ATL3: variants seen among roughly 807,000 people sequenced by gnomAD.
ATL3 encodes atlastin-3.
In ATL3, 49 loss-of-function variants were observed where a neutral mutation model predicts 69.5. The observed-to-expected ratio is 0.71, with a 90% CI of 0.56 to 0.89. ATL3 has a LOEUF of 0.89. Ranked by LOEUF, ATL3 falls within the 40% of genes least tolerant of loss-of-function variation. ATL3 has a pLI of 0.00. For synonymous variants in ATL3, 214 were observed against 224.1 expected (o/e 0.95, Z 0.40); for missense variants, 606 against 645.7 (o/e 0.94, Z 0.67).
chr11:63,631,166 C>A lies in ATL3; in HGVS notation c.1413G>T (p.Gln471His), dbSNP rs553188281. ...TGFIGLEVVA[Q>H]LFNCMVGLLL... is the part of the protein sequence containing the mutation. ...GTAGTCCAACCATACAGTTGAACAA[C>A]TGGGCTACAACCTCAAGACCTATGA... Residue 471 changes from glutamine (Q) to histidine (H), a missense_variant, in exon 12 of 13, where the codon CAG (glutamine) becomes CAT (histidine). Physicochemically the swap from Gln to His is conservative, Grantham distance 24. Coordinates refer to ENST00000398868, the MANE Select transcript of ATL3 (RefSeq NM_015459.5). 7 of 1,614,172 alleles carry A rather than the reference C, an allele frequency of 4.3e-6. No individual in the cohort carries two copies. The Admixed American group carries it at 1.0e-4, about 23-fold the overall frequency.
intron 3 of ATL3, among the ~76,000 whole-genome samples, chr11:63,654,293 C>T (rs573339267): frequency 6.7e-6 from 1 of 149,498 alleles, no homozygotes; most frequent in African/African-American, 2.5e-5. Context: ...ACTATAGACG[C>T]CCGCCACCAC....
chr11:63,660,876 C>T (rs934651029), intron 1 of ATL3, among the ~76,000 whole-genome samples: 10 of 151,578 alleles, frequency 6.6e-5, no homozygotes, highest in Admixed American at 1.3e-4. Context: ...ATTATTTAAT[C>T]CTCAGAACAA....
chr11:63,644,771 T>C (rs1404342498), intron 6 of ATL3, among the ~76,000 whole-genome samples: 1 of 152,132 alleles, frequency 6.6e-6, no homozygotes, highest in Admixed American at 6.6e-5. Flanking sequence ...GGTCAATATA[T>C]CCTATCTGCT....
intron 1 of ATL3, among the ~76,000 whole-genome samples, chr11:63,663,764 G>A (rs1291896133): frequency 6.6e-6 from 1 of 152,176 alleles, no homozygotes; most frequent in African/African-American, 2.4e-5. Flanking sequence ...AGAGATGTCT[G>A]GTTGTTCCCC....
At chr11:63,652,085 T>C in intron 4 of ATL3, 99 bp from the exon 5 acceptor site, 1 of 1,501,806 alleles carries the variant, frequency 6.7e-7, no homozygotes. Flanking sequence ...AATTAAAGAC[T>C]TGCATATAAG....
intron 1 of ATL3, among the ~76,000 whole-genome samples, chr11:63,662,418 T>C (rs891532181): frequency 2.0e-5 from 3 of 152,220 alleles, no homozygotes; most frequent in African/African-American, 7.2e-5. Context: ...TGTTAATGTA[T>C]ACTTTAAAAC....
chr11:63,624,566 G>A lies in ATL3; in HGVS notation c.*4753C>T, dbSNP rs1387352017. 1 of 152,082 alleles carries A rather than the reference G, an allele frequency of 6.6e-6. No individual in the cohort carries two copies. Among genetic ancestry groups the A allele is most frequent in the Non-Finnish European group, 1.5e-5 (1 of 68,010 alleles). 9.4% of individuals were successfully genotyped at this position (152,082 alleles called of 1,614,324 possible). A position where few individuals can be genotyped will look rare whatever the true frequency, so the allele number is the denominator to read the frequency against. Reference sequence around the variant, plus strand: ...TTTCTTGTTCATTATTTTTATTTGTGGCTTAATGTTTCACCTGTATGTGAA... The same window carrying A: ...TTTCTTGTTCATTATTTTTATTTGTAGCTTAATGTTTCACCTGTATGTGAA... On this transcript the variant is annotated 3_prime_UTR_variant, in exon 13 of 13. Coordinates refer to ENST00000398868, the MANE Select transcript of ATL3 (RefSeq NM_015459.5).
At chr11:63,667,900 C>T (rs777268981) in intron 1 of ATL3, among the ~76,000 whole-genome samples, 2 of 152,052 alleles carry the variant, frequency 1.3e-5, no homozygotes, top group Non-Finnish European at 2.9e-5. Flanking sequence ...CATCCCTGGC[C>T]TCTACCCACT....
At chr11:63,666,532 G>T (rs1041063108) in intron 1 of ATL3, among the ~76,000 whole-genome samples, 1 of 151,760 alleles carries the variant, frequency 6.6e-6, no homozygotes, top group Admixed American at 6.6e-5. Flanking sequence ...GGCATGTCTA[G>T]TTTTCAGTTT....
intron 12 of ATL3, among the ~76,000 whole-genome samples, chr11:63,629,867 C>A (rs1939247874): frequency 6.6e-6 from 1 of 151,862 alleles, no homozygotes; most frequent in Non-Finnish European, 1.5e-5. Context: ...CAAAGCAAGA[C>A]CTCGTCTCCA....
At chr11:63,641,896 A>G (rs952238043) in intron 8 of ATL3, among the ~76,000 whole-genome samples, 14 of 152,208 alleles carry the variant, frequency 9.2e-5, no homozygotes, top group Admixed American at 3.3e-4. Context: ...GAAGAATGCC[A>G]TGTGTGTGTG....
At chr11:63,643,275 G>T in intron 8 of ATL3, 82 bp downstream of exon 8, 1 of 1,390,652 alleles carries the variant, frequency 7.2e-7, no homozygotes, top group Non-Finnish European at 9.7e-7. Flanking sequence ...TTTTTCTTAA[G>T]CATTCACTTG....
chr11:63,643,690 A>G (rs1478228448), intron 7 of ATL3, among the ~76,000 whole-genome samples, 195 bp from the exon 8 acceptor site: 1 of 152,226 alleles, frequency 6.6e-6, no homozygotes, highest in African/African-American at 2.4e-5. Flanking sequence ...TATAGCTAGC[A>G]AACAGGTGCA....
chr11:63,640,089 C>T (rs1466614414), intron 8 of ATL3, among the ~76,000 whole-genome samples: 1 of 152,036 alleles, frequency 6.6e-6, no homozygotes, highest in East Asian at 1.9e-4. Context: ...TCACCATGCC[C>T]AGCTAATTTT....
chr11:63,671,587 G>T, upstream of ATL3: 1 of 1,429,928 alleles, frequency 7.0e-7, no homozygotes, highest in Non-Finnish European at 9.2e-7. Flanking sequence ...GCACGCGGCA[G>T]AATCCCGCCA....
At chr11:63,657,816 T>C (rs368513464) in intron 3 of ATL3, among the ~76,000 whole-genome samples, 3 of 151,442 alleles carry the variant, frequency 2.0e-5, no homozygotes, top group African/African-American at 7.3e-5. Flanking sequence ...AACAGGTATA[T>C]ACCAGTGGAA....
chr11:63,648,012 T>A lies in ATL3; in HGVS notation c.562-1449A>T, dbSNP rs145483611. Among the ~76,000 whole-genome samples the A allele has an allele frequency of 3.3e-5, 5 of 152,258 alleles. No homozygotes were observed. The East Asian group carries it at 9.6e-4, about 29-fold the overall frequency. On this transcript the variant is annotated intron_variant, in intron 5 of 12. Coordinates refer to ENST00000398868, the MANE Select transcript of ATL3 (RefSeq NM_015459.5). The stretch of plus-strand genomic sequence containing the variant: ...GAGGTGTAGGAGTCCAGCTGACAAC[T>A]AGGAAATATGTGAGTCTTAGGAGAA...
chr11:63,670,541 C>G (rs1248770112), intron 1 of ATL3: 1 of 152,222 alleles, frequency 6.6e-6, no homozygotes, highest in African/African-American at 2.4e-5. Flanking sequence ...AAATGACAGA[C>G]TAAATCAGAT....
Position 63,659,077 on chromosome 11 carries a change from G to T in ATL3, c.222C>A (p.Ser74=). 2 of 1,613,888 alleles carry T rather than the reference G, an allele frequency of 1.2e-6. No homozygotes were observed. Among genetic ancestry groups the T allele is most frequent in the Non-Finnish European group, 1.7e-6 (2 of 1,180,010 alleles). Residue 74 remains serine, a synonymous_variant, in exon 2 of 13, where the codon TCC becomes TCA. Transcript: ENST00000398868. The part of the protein sequence containing the change: ...SVAGAFRKGK[S]FILDFMLRYL... ...ATCGTAGCATAAAATCCAGAATGAA[G>T]GACTTGCCCTTTCGGAAGGCACCAG...
Sources: gnomAD v4.1 joint callset for allele counts (sites outside exome capture counted in the v4.1 genomes callset) on GRCh38, gnomAD v4.1.1 for gene constraint, MANE v1.5 for transcripts, NCBI Gene and HGNC (gene_info 2026-07-23, HGNC 2026-07-21) for gene names.